The following CYP51A1 variants were observed in gnomAD, a reference collection of about 807,000 sequenced individuals.
The protein encoded by CYP51A1 is lanosterol 14-alpha demethylase.
In CYP51A1, 45 loss-of-function variants were observed where a neutral mutation model predicts 53.5. That is an observed-to-expected ratio of 0.84 (90% CI 0.66 to 1.08). The LOEUF (loss-of-function observed/expected upper bound fraction) is 1.08, where lower values mean the gene tolerates loss of function less well. CYP51A1 is among the 50% of genes least tolerant of loss of function. CYP51A1 has a pLI of 0.00. For missense variants in CYP51A1, 462 were observed against 621.7 expected (o/e 0.74, Z 2.73); for synonymous variants, 181 against 217.7 (o/e 0.83, Z 1.48).
chr7:92,132,688 A>G (rs977564978), intron 1 of CYP51A1, among the ~76,000 whole-genome samples: 3 of 152,252 alleles, frequency 2.0e-5, no homozygotes, highest in Non-Finnish European at 2.9e-5. Context: ...TTAAGAAGCT[A>G]TATTTACTTC....
intron 2 of CYP51A1, among the ~76,000 whole-genome samples, chr7:92,130,778 T>C (rs989173433): frequency 3.3e-5 from 5 of 152,158 alleles, no homozygotes; most frequent in Non-Finnish European, 7.3e-5. Context: ...GGAGAAAAAA[T>C]CATCTGCTTT....
chr7:92,120,641 A>C (rs1305797002), intron 7 of CYP51A1, among the ~76,000 whole-genome samples: 5 of 152,306 alleles, frequency 3.3e-5, no homozygotes, highest in African/African-American at 9.6e-5. Flanking sequence ...TCTTTTCAAC[A>C]AACAGTGTGG....
rs1819728135 is a variant in CYP51A1 at position 92,123,280 on chromosome 7, C to T, written c.926G>A (p.Gly309Glu). 6.2e-7 allele frequency: 1 copy of T among 1,613,894 alleles called. No individual in the cohort carries two copies. Among genetic ancestry groups the T allele is most frequent in the Non-Finnish European group, 8.5e-7 (1 of 1,179,896 alleles). Reference sequence around the variant, plus strand: ...TGCCAAGAGTAATCCAATAAGCATCCCTGCTACTTCATCATCAGTCAAAGG... The same window carrying T: ...TGCCAAGAGTAATCCAATAAGCATCTCTGCTACTTCATCATCAGTCAAAGG... ...GRPLTDDEVAGMLIGLLLAGQ... is the reference protein window; with the variant it reads ...GRPLTDDEVAEMLIGLLLAGQ... The change falls in exon 7 of 10, where the codon GGG becomes GAG. Residue 309 changes from glycine (G) to glutamate (E), a missense_variant. By Grantham distance (98) the Gly-to-Glu change is moderately conservative (BLOSUM62 -2). Coordinates refer to ENST00000003100, the MANE Select transcript of CYP51A1 (RefSeq NM_000786.4).
chr7:92,133,883 A>C (rs570891642), intron 1 of CYP51A1, among the ~76,000 whole-genome samples: 106 of 152,294 alleles, frequency 7.0e-4, no homozygotes, highest in Non-Finnish European at 5.7e-4. Flanking sequence ...CAAATGCCGC[A>C]ACCACGACCC....
intron 1 of CYP51A1, among the ~76,000 whole-genome samples, chr7:92,133,007 G>A (rs1191772221): frequency 1.1e-4 from 17 of 151,976 alleles, no homozygotes; most frequent in Admixed American, 1.1e-3. Flanking sequence ...TGTCTTCCCA[G>A]AGACAAATAT....
At position 92,120,133 on chromosome 7, in the gene CYP51A1, A is replaced by G. The variant is rs186261586; in HGVS notation, c.1087-1518T>C. Among the ~76,000 whole-genome samples the G allele has an allele frequency of 6.6e-5, 10 of 152,354 alleles. No individual in the cohort carries two copies. In the Middle Eastern group the frequency reaches 0.01, roughly 155 times the overall value. Reference sequence around the variant, plus strand: ...TGTTGAAAGAAATTAAAGAACTAAAATAAGAGAAAGACATCTCATGTTCAC... The same window carrying G: ...TGTTGAAAGAAATTAAAGAACTAAAGTAAGAGAAAGACATCTCATGTTCAC... On this transcript the variant is annotated intron_variant, in intron 7 of 9. Coordinates refer to ENST00000003100, the MANE Select transcript of CYP51A1 (RefSeq NM_000786.4).
intron 8 of CYP51A1, chr7:92,117,437 G>C: frequency 2.7e-6 from 1 of 367,900 alleles, no homozygotes; most frequent in Non-Finnish European, 4.8e-6. Flanking sequence ...CTAGATAATA[G>C]GCAAACTAAA....
intron 1 of CYP51A1, 82 bp from the exon 2 acceptor site, chr7:92,131,954 A>T (rs770983235): frequency 2.4e-6 from 2 of 838,154 alleles, no homozygotes; most frequent in South Asian, 2.9e-5. Flanking sequence ...CCAAACAATT[A>T]AACAAAATAG....
chr7:92,132,204 T>C (rs1329830057), intron 1 of CYP51A1, among the ~76,000 whole-genome samples: 2 of 152,186 alleles, frequency 1.3e-5, no homozygotes, highest in Admixed American at 6.5e-5. Context: ...TAACCATTAG[T>C]AGCAAAAAAC....
At chr7:92,128,428 C>CTCTCTGTGTG (rs112952169) in intron 3 of CYP51A1, among the ~76,000 whole-genome samples, 1 of 143,044 alleles carries the variant, frequency 7.0e-6, no homozygotes, top group African/African-American at 2.6e-5. Context: ...TGGTTGGTTT[C>CTCTCTGTGTG]TGTGTGTGTG....
chr7:92,116,941 GAGGAA>G, intron 9 of CYP51A1, 98 bp downstream of exon 9: 1 of 1,204,708 alleles, frequency 8.3e-7, no homozygotes, highest in Non-Finnish European at 1.1e-6. Context: ...ATGTCCCTAT[GAGGAA>G]AGGGAGAGAT....
intron 9 of CYP51A1, among the ~76,000 whole-genome samples, chr7:92,114,764 C>A (rs1437897087): frequency 1.3e-5 from 2 of 152,120 alleles, no homozygotes; most frequent in Non-Finnish European, 2.9e-5. Flanking sequence ...GGCCAGAAAG[C>A]AATAACCATT....
chr7:92,113,534 T>C lies in CYP51A1; in HGVS notation c.*131A>G. The C allele has an allele frequency of 2.5e-6, 2 of 798,304 alleles. No homozygotes were observed. Among genetic ancestry groups the C allele is most frequent in the Non-Finnish European group, 4.0e-6 (2 of 502,384 alleles). The allele number at this position is 798,304 out of a possible 1,614,324, so 49.5% of individuals were successfully genotyped here. A position where few individuals can be genotyped will look rare whatever the true frequency, so the allele number is the denominator to read the frequency against. Reference sequence around the variant, plus strand: ...ATTCAGTTAACAAAATCCTAAATCATAAACTGGCTTTTAGAATTACACACT... The same window carrying C: ...ATTCAGTTAACAAAATCCTAAATCACAAACTGGCTTTTAGAATTACACACT... On this transcript the variant is annotated 3_prime_UTR_variant, in exon 10 of 10. Transcript: ENST00000003100.
intron 9 of CYP51A1, among the ~76,000 whole-genome samples, chr7:92,116,599 C>T (rs912386006): frequency 2.6e-5 from 4 of 152,126 alleles, no homozygotes; most frequent in Non-Finnish European, 5.9e-5. Flanking sequence ...TTTTCTCATA[C>T]GGATATTCAG....
At chr7:92,117,904 C>T (rs1221063316) in intron 8 of CYP51A1, among the ~76,000 whole-genome samples, 1 of 151,370 alleles carries the variant, frequency 6.6e-6, no homozygotes, top group Non-Finnish European at 1.5e-5. Flanking sequence ...AGAAGAATTG[C>T]TTGAACCCGG....
intron 1 of CYP51A1, 62 bp downstream of exon 1, chr7:92,134,111 C>T (rs1584640909): frequency 6.5e-7 from 1 of 1,541,596 alleles, no homozygotes; most frequent in East Asian, 2.3e-5. Flanking sequence ...CCGCCCACGC[C>T]AGCCCTTCGG....
upstream of CYP51A1, chr7:92,134,719 CG>C (rs1285403807): frequency 4.1e-6 from 1 of 243,690 alleles, no homozygotes; most frequent in Non-Finnish European, 7.9e-6. Context: ...TTTGTGTGCC[CG>C]GGTGCGGGGT....
At chr7:92,124,966 A>G (rs535918774) in intron 5 of CYP51A1, among the ~76,000 whole-genome samples, 4 of 152,096 alleles carry the variant, frequency 2.6e-5, no homozygotes, top group African/African-American at 9.6e-5. Context: ...ACACGGTGAA[A>G]CCCCATCTCT....
At chr7:92,128,428 CTGTGTGTGTGTGTG>C (rs1554479142) in intron 3 of CYP51A1, among the ~76,000 whole-genome samples, 1 of 143,044 alleles carries the variant, frequency 7.0e-6, no homozygotes, top group Non-Finnish European at 1.5e-5. Flanking sequence ...TGGTTGGTTT[CTGTGTGTGTGTGTG>C]TGTGTGTGTG....
Sources: gnomAD v4.1 joint callset for allele counts (sites outside exome capture counted in the v4.1 genomes callset) on GRCh38, gnomAD v4.1.1 for gene constraint, MANE v1.5 for transcripts, NCBI Gene and HGNC (gene_info 2026-07-23, HGNC 2026-07-21) for gene names.